Variants in ITGA3 observed in about 807,000 individuals in gnomAD.
ITGA3 encodes the protein integrin subunit alpha 3.
ITGA3 carries 70 observed loss-of-function variants against 131.1 expected under a neutral mutation model. That is an observed-to-expected ratio of 0.53 (90% CI 0.44 to 0.65). The LOEUF (loss-of-function observed/expected upper bound fraction) is 0.65, where lower values mean the gene tolerates loss of function less well. Among genes scored for constraint, ITGA3 ranks in the 30% least tolerant of loss-of-function variants. The pLI is 0.00. For missense variants in ITGA3, 1,098 were observed against 1,388.6 expected (o/e 0.79, Z 3.33); for synonymous variants, 537 against 571.6 (o/e 0.94, Z 0.86).
chr17:50,079,292 G>A (rs1006153049), intron 20 of ITGA3, 34 bp downstream of exon 20: 1 of 1,603,848 alleles, frequency 6.2e-7, no homozygotes, highest in Admixed American at 1.7e-5. Flanking sequence ...TCATTTGCAT[G>A]CTACAGGGCA....
intron 12 of ITGA3, among the ~76,000 whole-genome samples, chr17:50,075,993 C>T (rs1013217333): frequency 6.6e-6 from 1 of 152,074 alleles, no homozygotes; most frequent in Non-Finnish European, 1.5e-5. Context: ...GCTCTTGGCT[C>T]AGCCCACCTC....
intron 15 of ITGA3, 125 bp downstream of exon 15, chr17:50,077,246 TG>T: frequency 7.7e-7 from 1 of 1,303,622 alleles, no homozygotes. Context: ...TGGGCCTTCT[TG>T]GGGGCCTTAG....
rs866118913 is a variant in ITGA3, at chr17:50,088,243, G to A, written c.3064G>A (p.Ala1022Thr). 6.4e-7 allele frequency: 1 copy of A among 1,570,444 alleles called. No homozygotes were observed. The highest frequency in any genetic ancestry group is 8.6e-7 in the Non-Finnish European group (1 of 1,157,758). The change falls in exon 25 of 26, where the codon GCC becomes ACC. Residue 1022 changes from alanine (A) to threonine (T), a missense_variant. Ala to Thr is a moderately conservative substitution (Grantham distance 58). This residue lies in a region of ITGA3 where 699 missense variants were observed against 829.2 expected (regional missense o/e 0.84). Coordinates refer to ENST00000320031, the MANE Select transcript of ITGA3 (RefSeq NM_002204.4). Reference sequence around the variant, plus strand: ...TCCGCAGTGCGGCTTCTTCAAGCGAGCCCGCACTCGCGCCCTGTATGAAGC... The same window carrying A: ...TCCGCAGTGCGGCTTCTTCAAGCGAACCCGCACTCGCGCCCTGTATGAAGC... The part of the protein sequence containing the change: ...LLWKCGFFKR[A>T]RTRALYEAKR...
chr17:50,060,351 C>T (rs910470898), intron 1 of ITGA3, among the ~76,000 whole-genome samples: 4 of 152,200 alleles, frequency 2.6e-5, no homozygotes, highest in African/African-American at 9.6e-5. Flanking sequence ...CTGAGCATTA[C>T]CCCACCCCAG....
rs1355277546 is a variant in ITGA3, at chr17:50,076,398, C to T, written c.1747C>T (p.Arg583Cys). The T allele has an allele frequency of 1.9e-6, 3 of 1,612,980 alleles. No individual in the cohort carries two copies. Among genetic ancestry groups the T allele is most frequent in the Middle Eastern group, 1.6e-4 (1 of 6,062 alleles). The change falls in exon 13 of 26, where the codon CGC (arginine) becomes TGC (cysteine). Residue 583 changes from arginine (R) to cysteine (C), a missense_variant. Arg to Cys is a radical substitution (Grantham distance 180). Coordinates refer to ENST00000320031, the MANE Select transcript of ITGA3 (RefSeq NM_002204.4). Reference protein sequence around the residue: ...NYSLPLRMPDRPRLGLRSLDA... With the variant: ...NYSLPLRMPDCPRLGLRSLDA... ...CTCTTTACCTTTGCGGATGCCCGAT[C>T]GCCCCCGGCTGGGGCTGCGGTCCCT...
chr17:50,075,601 C>G lies in ITGA3; in HGVS notation c.1540C>G (p.Leu514Val). 1 of 1,614,236 alleles carries G rather than the reference C, an allele frequency of 6.2e-7. No individual in the cohort carries two copies. The highest frequency in any genetic ancestry group is 8.5e-7 in the Non-Finnish European group (1 of 1,180,028). The part of the protein sequence containing the change: ...GNPNYRRNIT[L>V]AYTLEADRDR... Reference sequence around the variant, plus strand: ...CTGACCACCCTGTCTACCTGTAGCCCTGGCCTACACTCTGGAGGCTGACAG... The same window carrying G: ...CTGACCACCCTGTCTACCTGTAGCCGTGGCCTACACTCTGGAGGCTGACAG... Residue 514 changes from leucine (L) to valine (V), a missense_variant and splice_region_variant, in exon 12 of 26, where the codon CTG (leucine) becomes GTG (valine). Coordinates refer to ENST00000320031, the MANE Select transcript of ITGA3 (RefSeq NM_002204.4).
rs757988580 is a variant in ITGA3 at position 50,071,462 on chromosome 17, G to T, written c.903G>T (p.Ser301=). The change falls in exon 6 of 26, where the codon TCG becomes TCT. Residue 301 remains serine (S), a synonymous_variant. Coordinates refer to ENST00000320031, the MANE Select transcript of ITGA3 (RefSeq NM_002204.4). ...GGAGGAGGCAGGTGCTGGAGGGCTC[G>T]CAGGTGGGCGCCTATTTTGGCAGCG... The part of the protein sequence containing the change: ...DLRRRQVLEG[S]QVGAYFGSAI... 1 of 1,613,244 alleles carries T rather than the reference G, an allele frequency of 6.2e-7. No individual in the cohort carries two copies. Among genetic ancestry groups the T allele is most frequent in the East Asian group, 2.2e-5 (1 of 44,876 alleles).
chr17:50,064,091 C>G lies in ITGA3; in HGVS notation c.221C>G (p.Ala74Gly). 6.2e-7 allele frequency: 1 copy of G among 1,612,254 alleles called. No individual in the cohort carries two copies. Among genetic ancestry groups the G allele is most frequent in the Middle Eastern group, 1.7e-4 (1 of 5,980 alleles). The change falls in exon 2 of 26, where the codon GCC becomes GGC. Residue 74 changes from alanine to glycine, a missense_variant. This residue lies in a region of ITGA3 where 356 missense variants were observed against 529.2 expected (regional missense o/e 0.67). Coordinates refer to ENST00000320031, the MANE Select transcript of ITGA3 (RefSeq NM_002204.4). This position sits in a 1 kb window ranked among gnomAD's most constrained non-coding sequence, Gnocchi z 4.4. The stretch of plus-strand genomic sequence containing the variant: ...CCTATCCCCAGGCTCCTGGCTGGTG[C>G]CCCCCGGGAGCTCGCTGTGCCCGAT... ...RQQRYLLLAG[A>G]PRELAVPDGY...
intron 23 of ITGA3, chr17:50,086,714 A>G (rs895102750): frequency 2.0e-5 from 3 of 147,592 alleles, no homozygotes; most frequent in African/African-American, 7.5e-5. Context: ...AAAACCTCAT[A>G]TACACACACA....
intron 1 of ITGA3, among the ~76,000 whole-genome samples, chr17:50,060,822 G>A (rs1908043437): frequency 1.3e-5 from 2 of 152,166 alleles, no homozygotes; most frequent in Non-Finnish European, 2.9e-5. Context: ...CTCTGGAAGG[G>A]GTCAGCTTTT....
At position 50,089,185 on chromosome 17, in the gene ITGA3, C is replaced by T. The variant is rs555469830; in HGVS notation, c.*107C>T. 5.2e-5 allele frequency: 84 copies of T among 1,611,956 alleles called. No homozygotes were observed. The East Asian group carries it at 8.2e-4, about 16-fold the overall frequency. On this transcript the variant is annotated 3_prime_UTR_variant, in exon 26 of 26. Transcript: ENST00000320031. ...CGCAGTGCGGATCCGGGAGGAGGAG[C>T]GCTACCCACCTCCAGGGAGCACCCT...
chr17:50,069,988 T>C (rs573437162), intron 4 of ITGA3, among the ~76,000 whole-genome samples: 25 of 152,304 alleles, frequency 1.6e-4, no homozygotes, highest in African/African-American at 5.8e-4. Context: ...GCCCCAGGCA[T>C]AGTCACAGCT....
intron 23 of ITGA3, among the ~76,000 whole-genome samples, chr17:50,085,617 T>C (rs1397772029): frequency 6.6e-6 from 1 of 151,644 alleles, no homozygotes; most frequent in Non-Finnish European, 1.5e-5. Context: ...TGAGCCAAGA[T>C]TGTGCCCCTG....
Position 50,089,111 on chromosome 17 carries a change from G to T in ITGA3, c.*33G>T. ...TTTCTCTTCTCCCTCCAACTCCAGT[G>T]TGACTTCTTTAAGCGGACCCGCTAT... On this transcript the variant is annotated splice_region_variant and 3_prime_UTR_variant, in exon 26 of 26. Transcript: ENST00000320031. 1.2e-6 allele frequency: 2 copies of T among 1,612,266 alleles called. No individual in the cohort carries two copies. The highest frequency in any genetic ancestry group is 8.5e-7 in the Non-Finnish European group (1 of 1,178,840).
chr17:50,075,798 C>T (rs1029022568), intron 12 of ITGA3, 63 bp downstream of exon 12: 4 of 1,569,484 alleles, frequency 2.5e-6, no homozygotes, highest in Non-Finnish European at 1.7e-6. Context: ...GGCCAGTGTC[C>T]CCCTAGATCA....
At chr17:50,074,355 T>C (rs1470186000) in intron 9 of ITGA3, 75 bp downstream of exon 9, 10 of 1,601,678 alleles carry the variant, frequency 6.2e-6, no homozygotes, top group Non-Finnish European at 8.5e-6. Flanking sequence ...TCTGTGTCCA[T>C]GTTTGCGCTA....
intron 14 of ITGA3, 72 bp from the exon 15 acceptor site, chr17:50,076,902 G>T: frequency 6.6e-7 from 1 of 1,522,490 alleles, no homozygotes; most frequent in Non-Finnish European, 9.0e-7. Context: ...AGACCCCAGG[G>T]GCGGGGCCTA....
At chr17:50,073,007 G>A (rs546714140) in intron 7 of ITGA3, among the ~76,000 whole-genome samples, 1 of 152,126 alleles carries the variant, frequency 6.6e-6, no homozygotes, top group Non-Finnish European at 1.5e-5. Flanking sequence ...AGGAGCCTCT[G>A]AAGACCCAAA....
intron 3 of ITGA3, chr17:50,065,209 C>T (rs1419191844): frequency 6.6e-6 from 1 of 152,250 alleles, no homozygotes; most frequent in East Asian, 1.9e-4. Flanking sequence ...CAGAAGAGTT[C>T]TGGTTAAGGC....
Sources: gnomAD v4.1 joint callset for allele counts (sites outside exome capture counted in the v4.1 genomes callset) on GRCh38, gnomAD v4.1.1 for gene constraint, gnomAD v4.1.1 regional missense constraint, Gnocchi (gnomAD v3.1) non-coding constraint, MANE v1.5 for transcripts, NCBI Gene and HGNC (gene_info 2026-07-23, HGNC 2026-07-21) for gene names.